Variants in FAM135B observed in about 807,000 individuals in gnomAD.
FAM135B encodes the protein family with sequence similarity 135 member B.
FAM135B carries 43 observed loss-of-function variants against 127.7 expected under a neutral mutation model. The ratio of observed to expected loss-of-function variants is 0.34; its 90% CI spans 0.26 to 0.43. The LOEUF (loss-of-function observed/expected upper bound fraction) is 0.43, where lower values mean the gene tolerates loss of function less well. FAM135B is among the 20% of genes least tolerant of loss of function. FAM135B has a pLI of 1.00. For synonymous variants in FAM135B, 670 were observed against 665.1 expected (o/e 1.01, Z -0.11); for missense variants, 1,558 against 1,725.6 (o/e 0.90, Z 1.72).
At chr8:138,388,410 T>C (rs1832348065) in intron 1 of FAM135B, among the ~76,000 whole-genome samples, 1 of 152,184 alleles carries the variant, frequency 6.6e-6, no homozygotes, top group Admixed American at 6.5e-5. Context: ...CCCAAAGCAG[T>C]TGAAAACATG....
intron 1 of FAM135B, among the ~76,000 whole-genome samples, chr8:138,433,606 A>G (rs1041742539): frequency 1.3e-5 from 2 of 152,146 alleles, no homozygotes; most frequent in African/African-American, 4.8e-5. Flanking sequence ...TGTAATCTCT[A>G]TTTCATAGTT....
chr8:138,146,032 C>T lies in FAM135B; in HGVS notation c.3467G>A (p.Arg1156Gln), dbSNP rs765143482. 35 of 1,605,066 alleles carry T rather than the reference C, an allele frequency of 2.2e-5. No individual in the cohort carries two copies. Among genetic ancestry groups the T allele is most frequent in the Non-Finnish European group, 2.8e-5 (33 of 1,171,866 alleles). The change falls in exon 15 of 20, where the codon CGG becomes CAG. Residue 1156 changes from arginine (R) to glutamine (Q), a missense_variant. By Grantham distance (43) the Arg-to-Gln change is conservative. Coordinates refer to ENST00000395297, the MANE Select transcript of FAM135B (RefSeq NM_015912.4). ...HGLDGNSADLRLVKTFIELGL... is the reference protein window; with the variant it reads ...HGLDGNSADLQLVKTFIELGL... ...CAGTTCTATGAAAGTCTTTACCAGCCGGAGGTCTGCACTGTTCCCTAAAAA... is the reference window on the plus strand; with the variant it reads ...CAGTTCTATGAAAGTCTTTACCAGCTGGAGGTCTGCACTGTTCCCTAAAAA...
chr8:138,270,544 G>T (rs1264408896), intron 3 of FAM135B, among the ~76,000 whole-genome samples: 1 of 152,220 alleles, frequency 6.6e-6, no homozygotes, highest in Non-Finnish European at 1.5e-5. Context: ...TAACACAATA[G>T]CACAGACTAA....
chr8:138,390,386 C>G (rs1832487045), intron 1 of FAM135B, among the ~76,000 whole-genome samples: 1 of 151,946 alleles, frequency 6.6e-6, no homozygotes, highest in Admixed American at 6.5e-5. Flanking sequence ...GGTTCTCATT[C>G]TCTCTTGTCT....
At position 138,150,658 on chromosome 8, in the gene FAM135B, C is replaced by A. The variant is rs1227632448; in HGVS notation, c.3281+536G>T. Among the ~76,000 whole-genome samples, 3 of 148,974 alleles carry A rather than the reference C, an allele frequency of 2.0e-5. No homozygotes were observed. In the East Asian group the frequency reaches 6.0e-4, roughly 30 times the overall value. ...ACTCCAGCCTGGCGACAGAGTGAGA[C>A]TCTGTCTCAATAAATAAATAAATAA... On this transcript the variant is annotated intron_variant, in intron 13 of 19. Coordinates refer to ENST00000395297, the MANE Select transcript of FAM135B (RefSeq NM_015912.4).
chr8:138,320,722 C>T (rs140158993), intron 2 of FAM135B, among the ~76,000 whole-genome samples: 2 of 152,218 alleles, frequency 1.3e-5, no homozygotes, highest in African/African-American at 4.8e-5. Context: ...TCTCTGTATC[C>T]CCAGAAACTA....
chr8:138,145,490 T>C lies in FAM135B; in HGVS notation c.3540+469A>G, dbSNP rs555176176. Among the ~76,000 whole-genome samples, 13 of 152,268 alleles carry C rather than the reference T, an allele frequency of 8.5e-5. No homozygotes were observed. The South Asian group carries it at 2.7e-3, about 32-fold the overall frequency. Reference sequence around the variant, plus strand: ...CTGTGAGGAGATGGTGGTATCAATGTGTGATAGAACTGCCATGAAGATAAA... The same window carrying C: ...CTGTGAGGAGATGGTGGTATCAATGCGTGATAGAACTGCCATGAAGATAAA... On this transcript the variant is annotated intron_variant, in intron 15 of 19. Transcript: ENST00000395297.
intron 7 of FAM135B, among the ~76,000 whole-genome samples, chr8:138,212,608 T>G: frequency 6.6e-6 from 1 of 152,212 alleles, no homozygotes; most frequent in East Asian, 1.9e-4. Context: ...GCAACTGAAG[T>G]CAACACATCA....
At chr8:138,420,362 A>T (rs1172348278) in intron 1 of FAM135B, among the ~76,000 whole-genome samples, 2 of 152,154 alleles carry the variant, frequency 1.3e-5, no homozygotes, top group Non-Finnish European at 2.9e-5. Flanking sequence ...ATAATAAAAA[A>T]TCTATCAATC....
intron 3 of FAM135B, among the ~76,000 whole-genome samples, chr8:138,278,760 C>T (rs1008512581): frequency 4.0e-5 from 6 of 151,546 alleles, no homozygotes; most frequent in African/African-American, 9.7e-5. Context: ...GAGGGGGTTT[C>T]GCCACGTTGG....
At chr8:138,419,785 T>C (rs1038990222) in intron 1 of FAM135B, among the ~76,000 whole-genome samples, 24 of 152,118 alleles carry the variant, frequency 1.6e-4, no homozygotes, top group Non-Finnish European at 1.2e-4. Flanking sequence ...CAGAAATCAA[T>C]GTTTTGAAAC....
At chr8:138,351,678 C>A (rs1563926604) in intron 2 of FAM135B, among the ~76,000 whole-genome samples, 1 of 148,202 alleles carries the variant, frequency 6.7e-6, no homozygotes, top group Non-Finnish European at 1.5e-5. Context: ...ATGCTTAGGG[C>A]AGATCTTTTT....
chr8:138,320,852 A>G (rs929782166), intron 2 of FAM135B, among the ~76,000 whole-genome samples: 2 of 152,220 alleles, frequency 1.3e-5, no homozygotes, highest in African/African-American at 4.8e-5. Flanking sequence ...CTACTATACA[A>G]TTCTGTGAGT....
At chr8:138,382,541 T>G (rs907361115) in intron 1 of FAM135B, among the ~76,000 whole-genome samples, 1 of 152,194 alleles carries the variant, frequency 6.6e-6, no homozygotes, top group Non-Finnish European at 1.5e-5. Flanking sequence ...CAAACTTTCA[T>G]GGCCACTAGT....
At chr8:138,490,160 AG>A (rs547098989) in intron 1 of FAM135B, among the ~76,000 whole-genome samples, 2 of 152,366 alleles carry the variant, frequency 1.3e-5, no homozygotes, top group South Asian at 4.1e-4. Flanking sequence ...AAAGAAGTCC[AG>A]GGAGGTTAAG....
At chr8:138,372,082 G>C (rs1414435931) in intron 1 of FAM135B, among the ~76,000 whole-genome samples, 1 of 152,232 alleles carries the variant, frequency 6.6e-6, no homozygotes, top group African/African-American at 2.4e-5. Flanking sequence ...TCCCTGGGAA[G>C]GCTGGCTTCT....
intron 1 of FAM135B, among the ~76,000 whole-genome samples, chr8:138,370,530 C>A (rs1195786202): frequency 6.6e-6 from 1 of 152,108 alleles, no homozygotes; most frequent in African/African-American, 2.4e-5. Context: ...CGGCTCACTG[C>A]AAGCTCGCCT....
intron 9 of FAM135B, among the ~76,000 whole-genome samples, chr8:138,187,395 G>A (rs187209834): frequency 6.6e-6 from 1 of 152,274 alleles, no homozygotes; most frequent in Admixed American, 6.5e-5. Flanking sequence ...TTAAAAGTCT[G>A]AAAATGAACA....
intron 2 of FAM135B, among the ~76,000 whole-genome samples, chr8:138,366,301 G>A (rs1402042548): frequency 2.6e-5 from 4 of 152,128 alleles, no homozygotes; most frequent in Non-Finnish European, 1.5e-5. Flanking sequence ...TATCAAAATC[G>A]CTTGCTTTTC....
Sources: allele counts gnomAD v4.1 joint callset (sites outside exome capture counted in the v4.1 genomes callset), GRCh38; gene constraint gnomAD v4.1.1; transcripts MANE v1.5; gene names NCBI Gene and HGNC (gene_info 2026-07-23, HGNC 2026-07-21).